The following DGKK variants were observed in gnomAD, a reference collection of about 807,000 sequenced individuals.
The protein encoded by DGKK is 142 kDa diacylglycerol kinase.
In DGKK, 35 loss-of-function variants were observed where a neutral mutation model predicts 92.2. The ratio of observed to expected loss-of-function variants is 0.38; its 90% CI spans 0.29 to 0.50. DGKK has a LOEUF of 0.50. DGKK is among the 20% of genes least tolerant of loss of function. The pLI is 0.92. For missense variants in DGKK, 910 were observed against 992.2 expected, an observed-to-expected ratio of 0.92 and a Z score of 1.11; for synonymous variants, 368 against 360.6, an observed-to-expected ratio of 1.02 and a Z score of -0.23.
At chrX:50,465,285 T>G (rs1053253591) in intron 1 of DGKK, among the ~76,000 whole-genome samples, 10 of 110,660 alleles carry the variant, frequency 9.0e-5, no homozygotes, top group Non-Finnish European at 1.9e-4. Context: ...TAAAATAATT[T>G]TCAGAGGAGA....
At chrX:50,379,891 G>T in intron 19 of DGKK, 90 bp downstream of exon 19, 1 of 977,858 alleles carries the variant, frequency 1.0e-6, no homozygotes, top group Non-Finnish European at 1.5e-6. Flanking sequence ...CAGAGTTAAA[G>T]CTCAGGAAGA....
chrX:50,427,488 C>G (rs939940682), intron 1 of DGKK, among the ~76,000 whole-genome samples: 3 of 109,131 alleles, frequency 2.7e-5, no homozygotes, highest in Non-Finnish European at 5.7e-5. Flanking sequence ...CAAGAATGAA[C>G]CCTGATGTAA....
At chrX:50,392,725 G>C (rs150678544) in intron 9 of DGKK, among the ~76,000 whole-genome samples, 2,054 of 112,514 alleles carry the variant, frequency 0.018, 49 homozygotes, top group African/African-American at 0.063. Flanking sequence ...GCCTTGCATG[G>C]TGGCCAGTGG....
intron 21 of DGKK, 34 bp downstream of exon 21, chrX:50,378,544 G>A: frequency 8.9e-7 from 1 of 1,123,842 alleles, no homozygotes; most frequent in Non-Finnish European, 1.2e-6. Context: ...AAAAACCTCA[G>A]CCCCTTCCCA....
rs189604803 is a variant in DGKK at position 50,447,732 on chromosome X, C to A, written c.645+22302G>T. Among the ~76,000 whole-genome samples, 857 of 108,784 alleles carry A rather than the reference C, an allele frequency of 7.9e-3. 9 individuals are homozygous for A. Among genetic ancestry groups the A allele is most frequent in the African/African-American group, 0.028 (837 of 30,025 alleles). The allele number at this position is 108,784 out of a possible 115,157, so 94.5% of individuals were successfully genotyped here. ...CAATTTCTGTTATTTGCAGGATAATCCTTTGTGTTCAGGGCAGAGTCCAAG... is the reference window on the plus strand; with the variant it reads ...CAATTTCTGTTATTTGCAGGATAATACTTTGTGTTCAGGGCAGAGTCCAAG... On this transcript the variant is annotated intron_variant, in intron 1 of 27. Transcript: ENST00000611977.
At chrX:50,460,981 G>A (rs1376089189) in intron 1 of DGKK, among the ~76,000 whole-genome samples, 3 of 110,270 alleles carry the variant, frequency 2.7e-5, no homozygotes, top group Non-Finnish European at 3.8e-5. Flanking sequence ...GGAAGATAAG[G>A]TTGGTTTTGT....
At chrX:50,405,939 C>CT (rs1352407776) in intron 4 of DGKK, among the ~76,000 whole-genome samples, 14 of 111,381 alleles carry the variant, frequency 1.3e-4, no homozygotes, top group African/African-American at 3.9e-4. Flanking sequence ...CTACAAGCAT[C>CT]TTTTTTTTCC....
At chrX:50,373,944 G>A (rs1225408245) in intron 25 of DGKK, among the ~76,000 whole-genome samples, 2 of 112,019 alleles carry the variant, frequency 1.8e-5, no homozygotes, top group African/African-American at 6.5e-5. Context: ...AATGCACTAT[G>A]AAGCTGCTAG....
At chrX:50,381,712 A>G (rs1557224460) in intron 18 of DGKK, among the ~76,000 whole-genome samples, 1 of 112,037 alleles carries the variant, frequency 8.9e-6, no homozygotes, top group East Asian at 2.8e-4. Context: ...TACAGATGGC[A>G]CCAAAAGCAT....
chrX:50,378,105 C>G lies in DGKK; in HGVS notation c.3104G>C (p.Arg1035Thr). Residue 1035 changes from arginine to threonine, a missense_variant, in exon 22 of 28, where the codon AGA becomes ACA. By Grantham distance (71) the Arg-to-Thr change is moderately conservative. Coordinates refer to ENST00000611977, the MANE Select transcript of DGKK (RefSeq NM_001013742.4). ...RYKNAAQMLT[R>T]DRDFENSMKM... The stretch of plus-strand genomic sequence containing the variant: ...CAAGATTTTCCCCCTTACCCGATCT[C>G]TTGTCAGCATCTGGGCAGCGTTCTT... The G allele has an allele frequency of 8.3e-7, 1 of 1,208,956 alleles. No individual in the cohort carries two copies. The highest frequency in any genetic ancestry group is 3.0e-5 in the East Asian group (1 of 33,758).
At chrX:50,385,317 C>T (rs1346409077) in intron 15 of DGKK, among the ~76,000 whole-genome samples, 2 of 111,730 alleles carry the variant, frequency 1.8e-5, no homozygotes, top group Admixed American at 9.5e-5. Flanking sequence ...CTTTCACCAG[C>T]CAAATGTTGT....
intron 4 of DGKK, among the ~76,000 whole-genome samples, chrX:50,419,650 T>C (rs1179234874): frequency 2.7e-5 from 3 of 112,080 alleles, no homozygotes; most frequent in Non-Finnish European, 5.6e-5. Flanking sequence ...ATTGTGCCTT[T>C]ACTATGTGCC....
In DGKK at chrX:50,451,939, G is replaced by A. The variant is rs140659849; in HGVS notation, c.645+18095C>T. Reference sequence around the variant, plus strand: ...GCACTCATCCTTTTGAAAGGAAAACGGACCAGAGGTCATGAGCAAGTATAG... The same window carrying A: ...GCACTCATCCTTTTGAAAGGAAAACAGACCAGAGGTCATGAGCAAGTATAG... On this transcript the variant is annotated intron_variant, in intron 1 of 27. Coordinates refer to ENST00000611977, the MANE Select transcript of DGKK (RefSeq NM_001013742.4). 5.6e-3 allele frequency among the ~76,000 whole-genome samples: 630 copies of A among 111,865 alleles called. 4 individuals are homozygous for A. The highest frequency in any genetic ancestry group is 0.019 in the Middle Eastern group (4 of 215).
At chrX:50,435,480 T>A (rs1436127862) in intron 1 of DGKK, among the ~76,000 whole-genome samples, 1 of 112,212 alleles carries the variant, frequency 8.9e-6, no homozygotes, top group Non-Finnish European at 1.9e-5. Context: ...ATACATTCAC[T>A]AAAAAGTCCT....
In DGKK at chrX:50,379,661, C is replaced by A. The variant is rs1557224236; in HGVS notation, c.2828G>T (p.Gly943Val). 1.7e-6 allele frequency: 2 copies of A among 1,211,397 alleles called. No homozygotes were observed. The highest frequency in any genetic ancestry group is 2.2e-6 in the Non-Finnish European group (2 of 895,207). The change falls in exon 20 of 28, where the codon GGT becomes GTT. Residue 943 changes from glycine to valine, a missense_variant. Transcript: ENST00000611977. The stretch of plus-strand genomic sequence containing the variant: ...TGTGTTGCTTCCCCAGAAGTTGATA[C>A]CTCCAGCATAGCTGGTAATGTTGAG... ...VVLNITSYAGGINFWGSNTAT... is the reference protein window; with the variant it reads ...VVLNITSYAGVINFWGSNTAT...
rs1708328377 is a variant in DGKK, at chrX:50,382,578, T to G, written c.2575A>C (p.Asn859His). 1 of 1,209,026 alleles carries G rather than the reference T, an allele frequency of 8.3e-7. No homozygotes were observed. Among genetic ancestry groups the G allele is most frequent in the African/African-American group, 1.7e-5 (1 of 57,729 alleles). The change falls in exon 18 of 28, where the codon AAC (asparagine) becomes CAC (histidine). Residue 859 changes from asparagine (N) to histidine (H), a missense_variant. By Grantham distance (68) the Asn-to-His change is moderately conservative. Coordinates refer to ENST00000611977, the MANE Select transcript of DGKK (RefSeq NM_001013742.4). ...TCCAGTCCAATTCCGAAGTAGTTGT[T>G]CATGACACATTTTTCTTTGAAGCGT... ...SIRFKEKCVM[N>H]NYFGIGLDAK...
chrX:50,454,991 A>G (rs781857289), intron 1 of DGKK, among the ~76,000 whole-genome samples: 5 of 112,106 alleles, frequency 4.5e-5, no homozygotes, highest in Non-Finnish European at 9.4e-5. Flanking sequence ...CCTGTCTCCA[A>G]TGTACACGTT....
At position 50,393,314 on chromosome X, in the gene DGKK, T is replaced by C. The variant is rs1557225767; in HGVS notation, c.1433A>G (p.Asp478Gly). ...TGATGACCAATCAAGATTCCAGAAG[T>C]CTGAAGATACTACTAATTGGCCTGA... The part of the protein sequence containing the change: ...KGDGQLVVSS[D>G]FWNLDWSSAC... The change falls in exon 9 of 28, where the codon GAC (aspartate) becomes GGC (glycine). Residue 478 changes from aspartate (D) to glycine (G), a missense_variant. Physicochemically the swap from Asp to Gly is moderately conservative, Grantham distance 94. Transcript: ENST00000611977. The C allele has an allele frequency of 7.5e-6, 9 of 1,207,289 alleles. No individual in the cohort carries two copies. The highest frequency in any genetic ancestry group is 2.2e-6 in the Non-Finnish European group (2 of 893,487).
rs1204993482 is a variant in DGKK at position 50,374,878 on chromosome X, A to C, written c.3501+93T>G. 1.2e-5 allele frequency: 9 copies of C among 776,773 alleles called. No homozygotes were observed. The African/African-American group carries it at 1.9e-4, about 16-fold the overall frequency. 64.0% of individuals were successfully genotyped at this position (776,773 alleles called of 1,213,427 possible). On this transcript the variant is annotated intron_variant, in intron 25 of 27. Transcript: ENST00000611977. ...GCAAGCACCTGGCCAAAATGCTCCC[A>C]CGGGTCTCCAGTGCCCTTGGACCAA...
Sources: allele counts gnomAD v4.1 joint callset (sites outside exome capture counted in the v4.1 genomes callset), GRCh38; gene constraint gnomAD v4.1.1; transcripts MANE v1.5; gene names NCBI Gene and HGNC (gene_info 2026-07-23, HGNC 2026-07-21).